Variants in ZNG1F observed in about 807,000 individuals in gnomAD.
ZNG1F encodes the protein zinc-regulated GTPase metalloprotein activator 1F.
At chr9:41,154,877 G>A in the ZNG1F span, among the ~76,000 whole-genome samples, 4 of 149,656 alleles carry the variant, frequency 2.7e-5, no homozygotes, top group Admixed American at 6.8e-5. Context: ...AGACTTAAAT[G>A]TTAGACCTAA....
the ZNG1F span, among the ~76,000 whole-genome samples, chr9:41,183,833 C>T: frequency 6.7e-6 from 1 of 149,352 alleles, no homozygotes; most frequent in African/African-American, 2.5e-5. Flanking sequence ...AATTACAGTA[C>T]ACTACATTAT....
At chr9:41,149,774 G>C in the ZNG1F span, among the ~76,000 whole-genome samples, 2 of 150,878 alleles carry the variant, frequency 1.3e-5, no homozygotes, top group African/African-American at 4.9e-5. Flanking sequence ...CCTATAGTTA[G>C]CAATACTGTA....
the ZNG1F span, among the ~76,000 whole-genome samples, chr9:41,152,367 C>T: frequency 0.013 from 1,890 of 149,662 alleles, 100 homozygotes; most frequent in Non-Finnish European, 0.019. Context: ...CCTTAGAGAC[C>T]TACAAAGAGA....
chr9:41,166,434 T>TAA, the ZNG1F span, among the ~76,000 whole-genome samples: 1 of 37,172 alleles, frequency 2.7e-5, no homozygotes, highest in Non-Finnish European at 6.7e-5. Context: ...ATAATAATAA[T>TAA]TATTATTATA....
the ZNG1F span, among the ~76,000 whole-genome samples, chr9:41,169,088 C>A: frequency 2.1e-5 from 3 of 146,148 alleles, no homozygotes; most frequent in African/African-American, 7.7e-5. Context: ...ACAATTATAG[C>A]AGAAGAGATA....
chr9:41,199,839 G>T, the ZNG1F span, among the ~76,000 whole-genome samples: 7 of 151,730 alleles, frequency 4.6e-5, no homozygotes, highest in African/African-American at 1.7e-4. Flanking sequence ...TGTGGAAGCT[G>T]CCAAGGCTTG....
chr9:41,132,040 T>G, the ZNG1F span: 2 of 1,383,672 alleles, frequency 1.4e-6, no homozygotes, highest in South Asian at 2.9e-5. Flanking sequence ...TTTTCTAAAA[T>G]TGAAGAAGAA....
At chr9:41,202,256 GC>G in the ZNG1F span, among the ~76,000 whole-genome samples, 1 of 142,392 alleles carries the variant, frequency 7.0e-6, no homozygotes, top group Non-Finnish European at 1.5e-5. Context: ...TCTTAAATGA[GC>G]AGAGTAATAA....
At chr9:41,138,126 T>A in the ZNG1F span, among the ~76,000 whole-genome samples, 183 of 140,008 alleles carry the variant, frequency 1.3e-3, 34 homozygotes, top group Middle Eastern at 0.014. Context: ...TTTTGATATG[T>A]TTCCCGGATT....
chr9:41,150,315 G>A, the ZNG1F span, among the ~76,000 whole-genome samples: 1 of 150,732 alleles, frequency 6.6e-6, no homozygotes, highest in African/African-American at 2.4e-5. Context: ...CTGGCTCGGA[G>A]GGTCCCACGC....
the ZNG1F span, among the ~76,000 whole-genome samples, chr9:41,148,854 G>GA: frequency 1.7e-3 from 150 of 88,840 alleles, no homozygotes; most frequent in African/African-American, 2.4e-3. Context: ...ACTGAAGGTG[G>GA]AAAAAAAAAC....
chr9:41,195,437 T>C, the ZNG1F span, among the ~76,000 whole-genome samples: 2 of 41,762 alleles, frequency 4.8e-5, 1 homozygote, highest in Non-Finnish European at 1.4e-4. Flanking sequence ...ATATTGAAGA[T>C]GACTAGCAGG....
the ZNG1F span, chr9:41,164,908 T>C: frequency 8.6e-7 from 1 of 1,158,294 alleles, no homozygotes; most frequent in Non-Finnish European, 1.2e-6. Context: ...GTCAACCTTA[T>C]ACCTTAAGTT....
the ZNG1F span, chr9:41,176,856 G>A: frequency 1.4e-5 from 2 of 142,028 alleles, no homozygotes; most frequent in South Asian, 2.3e-4. Context: ...CATACAAGTG[G>A]CAAAGAACCC....
the ZNG1F span, chr9:41,131,664 A>G: frequency 8.8e-6 from 1 of 113,776 alleles, no homozygotes; most frequent in Non-Finnish European, 1.5e-5. Context: ...TAATAAATAA[A>G]TGCTTGAAAT....
the ZNG1F span, among the ~76,000 whole-genome samples, chr9:41,141,026 C>A: frequency 6.6e-6 from 1 of 151,428 alleles, no homozygotes; most frequent in Non-Finnish European, 1.5e-5. Flanking sequence ...CCACACCCAG[C>A]CTAAAGATTT....
At chr9:41,157,170 A>T in the ZNG1F span, 1 of 146,102 alleles carries the variant, frequency 6.8e-6, no homozygotes, top group South Asian at 2.2e-4. Context: ...CCAGAAAATC[A>T]CAGAGGACAG....
chr9:41,155,191 G>A, the ZNG1F span, among the ~76,000 whole-genome samples: 426 of 151,268 alleles, frequency 2.8e-3, 5 homozygotes, highest in African/African-American at 9.5e-3. Flanking sequence ...AAAAGTGGGC[G>A]AAGGACATGA....
chr9:41,157,487 GCAGAGGA>G, the ZNG1F span: 1 of 143,694 alleles, frequency 7.0e-6, no homozygotes, highest in Non-Finnish European at 1.5e-5. Context: ...AAAAAGAACA[GCAGAGGA>G]CAGTGATTTC....
Sources: gnomAD v4.1 joint callset for allele counts (sites outside exome capture counted in the v4.1 genomes callset) on GRCh38, gnomAD v4.1.1 for gene constraint, MANE v1.5 for transcripts, NCBI Gene and HGNC (gene_info 2026-07-23, HGNC 2026-07-21) for gene names.